Variants in MAGI2 observed in about 807,000 individuals in gnomAD.
MAGI2 encodes the protein membrane-associated guanylate kinase, WW and PDZ domain-containing protein 2.
In MAGI2, 35 loss-of-function variants were observed where a neutral mutation model predicts 133.3. The observed-to-expected ratio is 0.26, with a 90% confidence interval of 0.20 to 0.35. The LOEUF is 0.35. MAGI2 is among the 10% of genes least tolerant of loss of function. The pLI, the probability that MAGI2 is intolerant of heterozygous loss-of-function variation, is 1.00. For missense variants in MAGI2, 1,636 were observed against 1,863.4 expected, an observed-to-expected ratio of 0.88 and a Z score of 2.25; for synonymous variants, 729 against 710.6, an observed-to-expected ratio of 1.03 and a Z score of -0.41.
intron 1 of MAGI2, among the ~76,000 whole-genome samples, chr7:79,428,005 G>A (rs1018475522): frequency 2.6e-5 from 4 of 152,274 alleles, no homozygotes; most frequent in African/African-American, 9.6e-5. Flanking sequence ...AGAAGAGACA[G>A]CATGAATTTC....
At chr7:79,129,537 T>G (rs1030532780) in intron 1 of MAGI2, among the ~76,000 whole-genome samples, 10 of 152,202 alleles carry the variant, frequency 6.6e-5, no homozygotes, top group South Asian at 2.1e-4. Context: ...GAGTAACCTG[T>G]CATGAATTGC....
intron 2 of MAGI2, among the ~76,000 whole-genome samples, chr7:78,735,512 A>G (rs1821762561): frequency 6.6e-6 from 1 of 152,216 alleles, no homozygotes; most frequent in African/African-American, 2.4e-5. Context: ...TTATTAGAAC[A>G]TTGGCATTGG....
At chr7:78,775,014 T>C (rs1825874006) in intron 2 of MAGI2, among the ~76,000 whole-genome samples, 1 of 152,044 alleles carries the variant, frequency 6.6e-6, no homozygotes, top group African/African-American at 2.4e-5. Context: ...TACATATATA[T>C]AGAAGCCTAA....
intron 6 of MAGI2, among the ~76,000 whole-genome samples, chr7:78,412,340 C>A (rs1797944039): frequency 6.6e-6 from 1 of 152,016 alleles, no homozygotes; most frequent in Non-Finnish European, 1.5e-5. Context: ...GACAGGCAAA[C>A]AGCCATCTCT....
chr7:79,159,276 T>TTTGGCTATGG (rs1441642336), intron 1 of MAGI2, among the ~76,000 whole-genome samples: 1 of 151,822 alleles, frequency 6.6e-6, no homozygotes, highest in African/African-American at 2.4e-5. Context: ...GTATAATTCA[T>TTTGGCTATGG]TTGGCTATGG....
At chr7:78,323,381 G>C (rs1432559274) in intron 9 of MAGI2, among the ~76,000 whole-genome samples, 2 of 152,200 alleles carry the variant, frequency 1.3e-5, no homozygotes, top group African/African-American at 4.8e-5. Flanking sequence ...GGTATGTTTG[G>C]ATTGGCATAA....
At chr7:78,407,755 A>G (rs1157791912) in intron 6 of MAGI2, among the ~76,000 whole-genome samples, 1 of 151,960 alleles carries the variant, frequency 6.6e-6, no homozygotes, top group Non-Finnish European at 1.5e-5. Flanking sequence ...AGAAAAGTCC[A>G]TTGCAGCCAA....
intron 1 of MAGI2, among the ~76,000 whole-genome samples, chr7:79,088,383 G>A (rs1816720226): frequency 2.0e-5 from 3 of 152,106 alleles, no homozygotes; most frequent in Non-Finnish European, 4.4e-5. Flanking sequence ...ATTTACTGAA[G>A]TTGCTTATCA....
chr7:78,552,545 A>C (rs1799440281), intron 3 of MAGI2, among the ~76,000 whole-genome samples: 2 of 152,212 alleles, frequency 1.3e-5, no homozygotes, highest in Admixed American at 1.3e-4. Context: ...TAGTAAAAAC[A>C]GCCTTATTAA....
intron 1 of MAGI2, among the ~76,000 whole-genome samples, chr7:79,439,490 C>A (rs186419303): frequency 1.3e-5 from 2 of 152,184 alleles, no homozygotes; most frequent in African/African-American, 4.8e-5. Context: ...TCCTGTCCCT[C>A]CTATGTGCTG....
intron 2 of MAGI2, among the ~76,000 whole-genome samples, chr7:78,795,396 C>T (rs923111683): frequency 2.6e-5 from 4 of 151,850 alleles, no homozygotes; most frequent in African/African-American, 9.7e-5. Flanking sequence ...GAACCAGTGG[C>T]ATTTCTATAC....
intron 1 of MAGI2, among the ~76,000 whole-genome samples, chr7:79,287,499 T>C (rs1473614960): frequency 4.6e-5 from 7 of 152,086 alleles, no homozygotes. Context: ...AAGAATCAAT[T>C]CTGGAAGTGC....
intron 1 of MAGI2, among the ~76,000 whole-genome samples, chr7:79,344,010 C>T (rs1841116262): frequency 2.0e-5 from 3 of 152,114 alleles, no homozygotes; most frequent in Admixed American, 2.0e-4. Context: ...AACCTTAGAA[C>T]TAAATTAGTG....
chr7:78,279,869 C>T (rs908338535), intron 9 of MAGI2, among the ~76,000 whole-genome samples: 14 of 152,294 alleles, frequency 9.2e-5, no homozygotes, highest in Admixed American at 3.3e-4. Flanking sequence ...TGCTTAACTA[C>T]TATCAATACG....
At chr7:79,063,788 TA>T (rs1257123020) in intron 1 of MAGI2, among the ~76,000 whole-genome samples, 2 of 152,068 alleles carry the variant, frequency 1.3e-5, no homozygotes, top group East Asian at 3.9e-4. Context: ...CCTCTGCCAA[TA>T]AGCAACCACA....
chr7:78,169,228 G>A lies in MAGI2; in HGVS notation c.2404-1120C>T, dbSNP rs1825892799. On this transcript the variant is annotated intron_variant, in intron 14 of 21. Transcript: ENST00000354212. Reference sequence around the variant, plus strand: ...AAATAGTATTACATATTTTAATTTTGCTGTTTAACCTATAAACAATTTTTC... The same window carrying A: ...AAATAGTATTACATATTTTAATTTTACTGTTTAACCTATAAACAATTTTTC... Among the ~76,000 whole-genome samples, 2 of 152,148 alleles carry A rather than the reference G, an allele frequency of 1.3e-5. 1 individual carries two copies. Among genetic ancestry groups the A allele is most frequent in the South Asian group, 4.2e-4 (2 of 4,818 alleles).
At chr7:78,203,236 A>T (rs1327911861) in intron 10 of MAGI2, among the ~76,000 whole-genome samples, 1 of 152,170 alleles carries the variant, frequency 6.6e-6, no homozygotes, top group Non-Finnish European at 1.5e-5. Flanking sequence ...GCTATTTCAC[A>T]TCTGACAGGT....
At chr7:78,514,889 AT>A (rs1795910012) in intron 4 of MAGI2, among the ~76,000 whole-genome samples, 1 of 152,106 alleles carries the variant, frequency 6.6e-6, no homozygotes, top group Non-Finnish European at 1.5e-5. Context: ...GATGCAGTTC[AT>A]TTGCACTAAT....
At chr7:78,792,111 G>T (rs1182151418) in intron 2 of MAGI2, among the ~76,000 whole-genome samples, 2 of 152,098 alleles carry the variant, frequency 1.3e-5, no homozygotes, top group Non-Finnish European at 2.9e-5. Context: ...TACCTAGTAA[G>T]AGACATTAGA....
Sources: gnomAD v4.1 joint callset for allele counts (sites outside exome capture counted in the v4.1 genomes callset) on GRCh38, gnomAD v4.1.1 for gene constraint, MANE v1.5 for transcripts, NCBI Gene and HGNC (gene_info 2026-07-23, HGNC 2026-07-21) for gene names.